The following DMD variants were observed in gnomAD, a reference collection of about 807,000 sequenced individuals.
DMD encodes the protein dystrophin.
DMD carries 63 observed loss-of-function variants against 330.1 expected under a neutral mutation model. The ratio of observed to expected loss-of-function variants is 0.19; its 90% CI spans 0.16 to 0.24. The LOEUF (loss-of-function observed/expected upper bound fraction) is 0.24, where lower values mean the gene tolerates loss of function less well. DMD is among the 10% of genes least tolerant of loss of function. The pLI is 1.00. For missense variants in DMD, 3,344 were observed against 2,684.1 expected, an observed-to-expected ratio of 1.25 and a Z score of -5.43; for synonymous variants, 1,223 against 959.8, an observed-to-expected ratio of 1.27 and a Z score of -5.07.
At chrX:33,167,860 T>C (rs966226323) in intron 1 of DMD, among the ~76,000 whole-genome samples, 1 of 111,243 alleles carries the variant, frequency 9.0e-6, no homozygotes, top group Admixed American at 9.6e-5. Context: ...GTGTCTTAAA[T>C]TCCTTTTGTG....
intron 1 of DMD, among the ~76,000 whole-genome samples, chrX:33,202,046 A>T (rs144929394): frequency 8.9e-6 from 1 of 112,326 alleles, no homozygotes; most frequent in Non-Finnish European, 1.9e-5. Flanking sequence ...GAGAATGGGC[A>T]TGAGTTATTT....
chrX:32,347,099 T>C (rs753992555), intron 38 of DMD, among the ~76,000 whole-genome samples: 7 of 111,832 alleles, frequency 6.3e-5, no homozygotes, highest in South Asian at 7.3e-4. Context: ...GACTGATTCA[T>C]TTTGTATGGG....
chrX:32,312,964 AGCCC>A (rs2097569628), intron 41 of DMD, among the ~76,000 whole-genome samples: 3 of 97,710 alleles, frequency 3.1e-5, no homozygotes, highest in Non-Finnish European at 6.3e-5. Context: ...AAAAAAAAAA[AGCCC>A]AGGACCAGAC....
chrX:31,437,924 C>G (rs948358765), intron 60 of DMD, among the ~76,000 whole-genome samples: 1 of 108,622 alleles, frequency 9.2e-6, no homozygotes, highest in African/African-American at 3.3e-5. Flanking sequence ...ATATATTACG[C>G]TTACTACACA....
chrX:32,766,592 G>C (rs948973193), intron 7 of DMD, among the ~76,000 whole-genome samples: 2 of 110,811 alleles, frequency 1.8e-5, no homozygotes, highest in Non-Finnish European at 3.8e-5. Context: ...CAGGTTTTTT[G>C]TGTGGAAATC....
At chrX:32,296,858 T>G (rs1279235539) in intron 42 of DMD, among the ~76,000 whole-genome samples, 7 of 112,393 alleles carry the variant, frequency 6.2e-5, no homozygotes, top group African/African-American at 1.9e-4. Flanking sequence ...ATATTCTGGT[T>G]TGAAATATAT....
intron 37 of DMD, among the ~76,000 whole-genome samples, chrX:32,350,465 C>A (rs749196680): frequency 9.0e-6 from 1 of 110,958 alleles, no homozygotes; most frequent in Non-Finnish European, 1.9e-5. Context: ...GTCATTCAGG[C>A]GTAAAACGTA....
chrX:31,929,911 T>G (rs2094831806), intron 46 of DMD, among the ~76,000 whole-genome samples, 166 bp from the exon 47 acceptor site: 1 of 111,658 alleles, frequency 9.0e-6, no homozygotes, highest in Admixed American at 9.6e-5. Context: ...GCTGATTGAC[T>G]GAAACACTCA....
chrX:31,461,467 C>T (rs1017933467), intron 59 of DMD, among the ~76,000 whole-genome samples: 1 of 111,781 alleles, frequency 8.9e-6, no homozygotes, highest in Admixed American at 9.5e-5. Flanking sequence ...GAACCATTGC[C>T]ACTGAAAATT....
At chrX:32,948,113 GAC>G (rs3083093) in intron 2 of DMD, among the ~76,000 whole-genome samples, 10,217 of 95,514 alleles carry the variant, frequency 0.11, 429 homozygotes, top group Middle Eastern at 0.18. Flanking sequence ...GAGAGAAACA[GAC>G]ACACACACAC....
At chrX:32,637,318 A>T (rs2059166913) in intron 11 of DMD, among the ~76,000 whole-genome samples, 2 of 112,363 alleles carry the variant, frequency 1.8e-5, no homozygotes, top group Non-Finnish European at 3.8e-5. Flanking sequence ...TATTTCTTCA[A>T]TGTATAAGTA....
Position 33,012,642 on chromosome X carries a change from A to G in DMD, c.93+7497T>C, listed in dbSNP as rs538065405. On this transcript the variant is annotated intron_variant, in intron 2 of 78. Transcript: ENST00000357033. The stretch of plus-strand genomic sequence containing the variant: ...GAAACCGTATTTTGAGTACCCATAC[A>G]TGCATTCTGTTTTTCACTTTCAGTA... 3.9e-4 allele frequency among the ~76,000 whole-genome samples: 43 copies of G among 111,634 alleles called. 1 individual carries two copies. The South Asian group carries it at 0.016, about 41-fold the overall frequency.
At chrX:32,765,755 G>A (rs1308406797) in intron 7 of DMD, among the ~76,000 whole-genome samples, 1 of 111,617 alleles carries the variant, frequency 9.0e-6, no homozygotes, top group African/African-American at 3.3e-5. Context: ...TGAGCTTTTA[G>A]TGTCATATCC....
chrX:32,923,052 T>C (rs1207717426), intron 2 of DMD, among the ~76,000 whole-genome samples: 1 of 111,836 alleles, frequency 8.9e-6, no homozygotes, highest in Non-Finnish European at 1.9e-5. Context: ...GAGAGAAACA[T>C]AGAATTCTAT....
intron 60 of DMD, among the ~76,000 whole-genome samples, chrX:31,389,744 T>C (rs994176928): frequency 6.2e-5 from 7 of 112,373 alleles, no homozygotes; most frequent in Admixed American, 9.5e-5. Context: ...AAATTGACCA[T>C]AGAAATGCAT....
chrX:32,348,499 C>T lies in DMD; in HGVS notation c.5355G>A (p.Gln1785=). The T allele has an allele frequency of 8.3e-7, 1 of 1,207,098 alleles. No homozygotes were observed. Among genetic ancestry groups the T allele is most frequent in the Non-Finnish European group, 1.1e-6 (1 of 892,315 alleles). ...GCAATTTTTGTATATCTGAGTTAAA[C>T]TGCTCCAATTCCTTCAAAGGAATGG... ...KASIPLKELE[Q]FNSDIQKLLE... is the part of the protein sequence containing the mutation. Residue 1785 remains glutamine, a synonymous_variant, in exon 38 of 79, where the codon CAG becomes CAA. Transcript: ENST00000357033.
intron 1 of DMD, among the ~76,000 whole-genome samples, chrX:33,081,463 G>A (rs746507549): frequency 5.3e-4 from 59 of 111,354 alleles, no homozygotes; most frequent in Non-Finnish European, 1.5e-4. Context: ...TCTTAGAGAC[G>A]GGGTTTCACC....
intron 44 of DMD, among the ~76,000 whole-genome samples, chrX:32,110,788 A>G (rs2096586045): frequency 8.9e-6 from 1 of 112,093 alleles, no homozygotes. Context: ...ATCTGGTGGT[A>G]GAAAGTTTAC....
intron 62 of DMD, among the ~76,000 whole-genome samples, chrX:31,309,085 G>A (rs1876919667): frequency 9.0e-6 from 1 of 111,338 alleles, no homozygotes; most frequent in African/African-American, 3.3e-5. Context: ...TCAGCTTCCA[G>A]TGCTTAATCA....
Sources: gnomAD v4.1 joint callset for allele counts (sites outside exome capture counted in the v4.1 genomes callset) on GRCh38, gnomAD v4.1.1 for gene constraint, MANE v1.5 for transcripts, NCBI Gene and HGNC (gene_info 2026-07-23, HGNC 2026-07-21) for gene names.